The following TNR variants were observed in gnomAD, a reference collection of about 807,000 sequenced individuals.
The protein encoded by TNR is tenascin R.
In TNR, 45 loss-of-function variants were observed where a neutral mutation model predicts 150.4. That is an observed-to-expected ratio of 0.30 (90% CI 0.24 to 0.38). The LOEUF is 0.38. Ranked by LOEUF, TNR falls within the 10% of genes least tolerant of loss-of-function variation. The pLI, the probability that TNR is intolerant of heterozygous loss-of-function variation, is 1.00. For missense variants in TNR, 1,544 were observed against 1,759.1 expected, an observed-to-expected ratio of 0.88 and a Z score of 2.19; for synonymous variants, 687 against 678.4, an observed-to-expected ratio of 1.01 and a Z score of -0.20.
At chr1:175,649,495 G>C (rs552075682) in intron 1 of TNR, among the ~76,000 whole-genome samples, 18 of 152,074 alleles carry the variant, frequency 1.2e-4, no homozygotes, top group Admixed American at 1.2e-3. Context: ...CATCTCCTTG[G>C]GGGCAGACAG....
chr1:175,685,096 T>C (rs957773207), intron 1 of TNR, among the ~76,000 whole-genome samples: 1 of 152,206 alleles, frequency 6.6e-6, no homozygotes, highest in Non-Finnish European at 1.5e-5. Flanking sequence ...CTTTCCACAT[T>C]CTGGATAGCC....
intron 2 of TNR, among the ~76,000 whole-genome samples, chr1:175,486,229 C>A (rs1160046269): frequency 2.0e-5 from 3 of 151,958 alleles, no homozygotes; most frequent in Non-Finnish European, 2.9e-5. Context: ...CACCCATCAA[C>A]CCATCATCTA....
At chr1:175,404,381 A>G (rs1259338612) in intron 3 of TNR, among the ~76,000 whole-genome samples, 7 of 152,204 alleles carry the variant, frequency 4.6e-5, no homozygotes, top group Non-Finnish European at 1.0e-4. Flanking sequence ...AAGGCTCCCC[A>G]GGACCTCACT....
At chr1:175,372,362 G>A (rs760558230) in intron 9 of TNR, among the ~76,000 whole-genome samples, 5 of 152,236 alleles carry the variant, frequency 3.3e-5, no homozygotes, top group Non-Finnish European at 7.3e-5. Context: ...GGGACTAAGA[G>A]GACACGATCA....
chr1:175,602,203 CAAAAAAAAAA>C (rs57341654), intron 1 of TNR, among the ~76,000 whole-genome samples: 29 of 30,560 alleles, frequency 9.5e-4, no homozygotes, highest in South Asian at 1.6e-3. Context: ...GGACCAAAGG[CAAAAAAAAAA>C]AAAAAAAAAA....
intron 2 of TNR, among the ~76,000 whole-genome samples, chr1:175,474,672 A>G (rs1657467939): frequency 1.3e-5 from 2 of 152,226 alleles, no homozygotes; most frequent in South Asian, 2.1e-4. Flanking sequence ...AGTGAGGTCA[A>G]TGGGGACATC....
intron 20 of TNR, among the ~76,000 whole-genome samples, chr1:175,331,046 T>TTTCTTTCTTTCTTTCTTTCTTTCCTTCC (rs1649773182): frequency 2.4e-5 from 2 of 82,898 alleles, no homozygotes; most frequent in African/African-American, 9.1e-5. Context: ...TCTTTCTTTC[T>TTTCTTTCTTTCTTTCTTTCTTTCCTTCC]TTCTTTCTTT....
chr1:175,612,134 G>T (rs1251010319), intron 1 of TNR, among the ~76,000 whole-genome samples: 1 of 152,134 alleles, frequency 6.6e-6, no homozygotes, highest in East Asian at 1.9e-4. Context: ...CCCACAGGTT[G>T]GGTTTTTGGG....
chr1:175,553,184 T>C (rs1661011546), intron 1 of TNR, among the ~76,000 whole-genome samples: 1 of 152,188 alleles, frequency 6.6e-6, no homozygotes, highest in South Asian at 2.1e-4. Context: ...AAAAATGAGA[T>C]GGGAAAAGTG....
At chr1:175,460,717 G>C (rs771432920) in intron 2 of TNR, among the ~76,000 whole-genome samples, 71 of 152,338 alleles carry the variant, frequency 4.7e-4, no homozygotes, top group South Asian at 1.0e-3. Context: ...AGGTGGCAAA[G>C]GGTAAGAGGA....
At chr1:175,369,181 T>A (rs1325942953) in intron 9 of TNR, among the ~76,000 whole-genome samples, 1 of 152,130 alleles carries the variant, frequency 6.6e-6, no homozygotes, top group African/African-American at 2.4e-5. Context: ...GGGAGGAAGG[T>A]GGGATAAGCA....
intron 1 of TNR, among the ~76,000 whole-genome samples, chr1:175,622,208 T>C (rs1016081763): frequency 1.3e-5 from 2 of 152,230 alleles, no homozygotes; most frequent in African/African-American, 4.8e-5. Flanking sequence ...ACTCTGAATC[T>C]GGAAGGAGCA....
chr1:175,514,246 T>C (rs2102162340), intron 2 of TNR, among the ~76,000 whole-genome samples: 1 of 152,304 alleles, frequency 6.6e-6, no homozygotes, highest in South Asian at 2.1e-4. Flanking sequence ...AGTGATGCTA[T>C]GTGAGAACTC....
chr1:175,686,565 C>A (rs149851055), intron 1 of TNR, among the ~76,000 whole-genome samples: 87 of 152,238 alleles, frequency 5.7e-4, no homozygotes, highest in African/African-American at 2.1e-3. Flanking sequence ...TGGTACATTT[C>A]ATAATGCTTC....
At chr1:175,741,831 C>G (rs1424833173) in intron 1 of TNR, among the ~76,000 whole-genome samples, 3 of 152,160 alleles carry the variant, frequency 2.0e-5, no homozygotes, top group African/African-American at 7.2e-5. Context: ...AAAGAATCAC[C>G]ATTCTAGGGT....
At chr1:175,652,867 A>T (rs1426502604) in intron 1 of TNR, among the ~76,000 whole-genome samples, 1 of 152,246 alleles carries the variant, frequency 6.6e-6, no homozygotes, top group Non-Finnish European at 1.5e-5. Context: ...GAAAAGTGAG[A>T]AAAAGCTGTG....
intron 1 of TNR, among the ~76,000 whole-genome samples, chr1:175,605,198 A>C (rs954996617): frequency 2.0e-5 from 3 of 152,250 alleles, no homozygotes; most frequent in Non-Finnish European, 2.9e-5. Context: ...GGAGTCAGAA[A>C]GACCTTGGTT....
At chr1:175,680,883 A>C (rs1024412485) in intron 1 of TNR, among the ~76,000 whole-genome samples, 3 of 152,190 alleles carry the variant, frequency 2.0e-5, no homozygotes, top group African/African-American at 7.2e-5. Context: ...CTGGACCAAG[A>C]CTGTCTGGGT....
intron 2 of TNR, among the ~76,000 whole-genome samples, chr1:175,484,674 C>A (rs1232695355): frequency 2.6e-5 from 4 of 152,266 alleles, no homozygotes; most frequent in South Asian, 4.2e-4. Context: ...TTCTAACTGA[C>A]CTCCAGACTC....
Sources: gnomAD v4.1 joint callset for allele counts (sites outside exome capture counted in the v4.1 genomes callset) on GRCh38, gnomAD v4.1.1 for gene constraint, MANE v1.5 for transcripts, NCBI Gene and HGNC (gene_info 2026-07-23, HGNC 2026-07-21) for gene names.